The following USP10 variants were observed in gnomAD, a reference collection of about 807,000 sequenced individuals.
The protein encoded by USP10 is ubiquitin carboxyl-terminal hydrolase 10.
In USP10, 22 loss-of-function variants were observed where a neutral mutation model predicts 84.5. The ratio of observed to expected loss-of-function variants is 0.26; its 90% confidence interval spans 0.19 to 0.37. The LOEUF (loss-of-function observed/expected upper bound fraction) is 0.37, where lower values mean the gene tolerates loss of function less well. USP10 is among the 10% of genes least tolerant of loss of function. The pLI, the probability that USP10 is intolerant of heterozygous loss-of-function variation, is 1.00. For synonymous variants in USP10, 454 were observed against 387.6 expected, an observed-to-expected ratio of 1.17 and a Z score of -2.01; for missense variants, 1,019 against 998.9, an observed-to-expected ratio of 1.02 and a Z score of -0.27.
intron 1 of USP10, chr16:84,704,888 T>C: frequency 6.5e-7 from 1 of 1,535,692 alleles, no homozygotes. Flanking sequence ...AAATGTGGTT[T>C]GGGGCTGTTA....
rs777076547 is a variant in USP10, at chr16:84,759,313, TGTG to T, written c.1285-46_1285-44del. On this transcript the variant is annotated intron_variant, in intron 5 of 13. Coordinates refer to ENST00000219473, the MANE Select transcript of USP10 (RefSeq NM_005153.3). The stretch of plus-strand genomic sequence containing the variant: ...TTGTGCTTCATGTGCCTTCAGGAAA[TGTG>T]GTGTGTCTGTTCATTTCCTTTACGC... The T allele has an allele frequency of 5.1e-5, 79 of 1,540,086 alleles. 1 individual carries two copies. The South Asian group carries it at 8.4e-4, about 16-fold the overall frequency.
intron 13 of USP10, among the ~76,000 whole-genome samples, chr16:84,778,304 G>A (rs1228977954): frequency 6.6e-6 from 1 of 152,064 alleles, no homozygotes; most frequent in African/African-American, 2.4e-5. Context: ...TAGGATAGAT[G>A]GGCCACAGAA....
chr16:84,755,053 G>C (rs148241230), intron 4 of USP10, among the ~76,000 whole-genome samples: 88 of 151,874 alleles, frequency 5.8e-4, no homozygotes, highest in African/African-American at 2.1e-3. Context: ...TGATGGCTGT[G>C]CAATGCTTTC....
rs1371938991 is a variant in USP10, at chr16:84,745,580, C to T, written c.1099C>T (p.Pro367Ser). The change falls in exon 4 of 14, where the codon CCC becomes TCC. Residue 367 changes from proline to serine, a missense_variant. Physicochemically the swap from Pro to Ser is moderately conservative, Grantham distance 74 (BLOSUM62 -1). Coordinates refer to ENST00000219473, the MANE Select transcript of USP10 (RefSeq NM_005153.3). ...CTATGTGGAAACTAAGTATTCCCCT[C>T]CCGCCATATCTCCCCTGGTTTCTGA... ...VAYVETKYSPPAISPLVSEKQ... is the reference protein window; with the variant it reads ...VAYVETKYSPSAISPLVSEKQ... 5.0e-6 allele frequency: 8 copies of T among 1,611,314 alleles called. No individual in the cohort carries two copies. Among genetic ancestry groups the T allele is most frequent in the Admixed American group, 1.7e-5 (1 of 59,598 alleles).
In USP10 at chr16:84,700,107, C is replaced by G; in HGVS notation, c.17C>G (p.Pro6Arg). The G allele has an allele frequency of 7.4e-7, 1 of 1,352,568 alleles. No individual in the cohort carries two copies. The highest frequency in any genetic ancestry group is 9.7e-7 in the Non-Finnish European group (1 of 1,031,194). 83.8% of individuals were successfully genotyped at this position (1,352,568 alleles called of 1,614,324 possible). A position where few individuals can be genotyped will look rare whatever the true frequency, so the allele number is the denominator to read the frequency against. The change falls in exon 1 of 14, where the codon CCG (proline) becomes CGG (arginine). Residue 6 changes from proline to arginine, a missense_variant. By Grantham distance (103) the Pro-to-Arg change is moderately radical (BLOSUM62 -2). Around this residue, in one of 2 missense-constraint regions of USP10, gnomAD observed 787 missense variants for 708.8 expected, o/e 1.11. Coordinates refer to ENST00000219473, the MANE Select transcript of USP10 (RefSeq NM_005153.3). ...CGGGCAGCCATGGCCCTCCACAGCC[C>G]GCAGGTAGCCGCCGGTCTGCGCCTT... is the stretch of plus-strand genomic sequence containing the variant. Reference protein sequence around the residue: MALHSPQYIFGDFSPD... With the variant: MALHSRQYIFGDFSPD...
At chr16:84,753,076 C>G (rs1912120356) in intron 4 of USP10, among the ~76,000 whole-genome samples, 1 of 152,072 alleles carries the variant, frequency 6.6e-6, no homozygotes, top group African/African-American at 2.4e-5. Flanking sequence ...AGGTGGTCTT[C>G]CTGCCCCAGC....
intron 4 of USP10, among the ~76,000 whole-genome samples, chr16:84,758,042 G>C (rs1912788440): frequency 6.6e-6 from 1 of 152,224 alleles, no homozygotes; most frequent in Non-Finnish European, 1.5e-5. Flanking sequence ...GGCATTCACA[G>C]CTGTTTTAAT....
At chr16:84,753,533 G>A (rs957781189) in intron 4 of USP10, among the ~76,000 whole-genome samples, 2 of 152,150 alleles carry the variant, frequency 1.3e-5, no homozygotes, top group Admixed American at 6.5e-5. Context: ...GCTGAGCGTG[G>A]TGCAGCTCCT....
At chr16:84,721,923 C>T (rs1907867717) in intron 1 of USP10, among the ~76,000 whole-genome samples, 2 of 152,320 alleles carry the variant, frequency 1.3e-5, no homozygotes, top group East Asian at 1.9e-4. Flanking sequence ...ATCTTGAACT[C>T]CTCTCAAGTG....
chr16:84,750,055 G>A (rs1010684497), intron 4 of USP10, among the ~76,000 whole-genome samples: 2 of 152,120 alleles, frequency 1.3e-5, no homozygotes, highest in Non-Finnish European at 2.9e-5. Context: ...AGGGATCTGT[G>A]TTTCAGTGAC....
At chr16:84,717,775 C>G (rs1907239833) in intron 1 of USP10, among the ~76,000 whole-genome samples, 1 of 152,138 alleles carries the variant, frequency 6.6e-6, no homozygotes, top group Non-Finnish European at 1.5e-5. Context: ...CTTCTACTGC[C>G]TTTGATTCAT....
At chr16:84,751,614 G>A (rs954791718) in intron 4 of USP10, among the ~76,000 whole-genome samples, 2 of 152,154 alleles carry the variant, frequency 1.3e-5, no homozygotes, top group African/African-American at 4.8e-5. Context: ...ATGGGTAGTG[G>A]TACATTTTGG....
At position 84,745,346 on chromosome 16, in the gene USP10, A is replaced by C; in HGVS notation, c.865A>C (p.Ile289Leu). ...TENLGVANGQ[I>L]LESSGEGTAT... is the part of the protein sequence containing the mutation. ...AAACCTTGGAGTTGCTAATGGACAAATACTTGAATCCTCGGGTGAGGGCAC... is the reference window on the plus strand; with the variant it reads ...AAACCTTGGAGTTGCTAATGGACAACTACTTGAATCCTCGGGTGAGGGCAC... Residue 289 changes from isoleucine (I) to leucine (L), a missense_variant, in exon 4 of 14, where the codon ATA (isoleucine) becomes CTA (leucine). Transcript: ENST00000219473. The C allele has an allele frequency of 6.2e-7, 1 of 1,613,104 alleles. No individual in the cohort carries two copies. Among genetic ancestry groups the C allele is most frequent in the South Asian group, 1.1e-5 (1 of 91,030 alleles).
At chr16:84,727,398 A>G (rs1011855683) in intron 1 of USP10, among the ~76,000 whole-genome samples, 6 of 152,186 alleles carry the variant, frequency 3.9e-5, no homozygotes, top group Non-Finnish European at 8.8e-5. Context: ...TAAACAGTCA[A>G]ACATAAGGAG....
chr16:84,729,279 G>A lies in USP10; in HGVS notation c.22-4156G>A, dbSNP rs1908904759. 2.0e-5 allele frequency among the ~76,000 whole-genome samples: 3 copies of A among 152,152 alleles called. No homozygotes were observed. In the South Asian group the frequency reaches 6.2e-4, roughly 32 times the overall value. ...AATGGTTACCATGCCAGCTTACTTT[G>A]CCAAGAAAGAAATATTTATCGTTTT... On this transcript the variant is annotated intron_variant, in intron 1 of 13. Coordinates refer to ENST00000219473, the MANE Select transcript of USP10 (RefSeq NM_005153.3).
At chr16:84,757,624 T>G (rs1329626233) in intron 4 of USP10, among the ~76,000 whole-genome samples, 1 of 152,200 alleles carries the variant, frequency 6.6e-6, no homozygotes, top group African/African-American at 2.4e-5. Flanking sequence ...GTTTATTTAT[T>G]ATACTTTATT....
intron 4 of USP10, 82 bp from the exon 5 acceptor site, chr16:84,758,634 C>A (rs1317969278): frequency 6.0e-6 from 6 of 997,098 alleles, no homozygotes; most frequent in Non-Finnish European, 9.6e-6. Context: ...AAATGCTGTC[C>A]CAGAGTAGAG....
intron 2 of USP10, 54 bp from the exon 3 acceptor site, chr16:84,740,255 C>T (rs925814883): frequency 1.3e-5 from 20 of 1,496,672 alleles, no homozygotes; most frequent in African/African-American, 9.7e-5. Flanking sequence ...AAATGGTAAG[C>T]GTTGGTTTTA....
At chr16:84,778,107 G>GTGTGTGTGTGTGTGTGTGTA (rs1346302937) in intron 13 of USP10, among the ~76,000 whole-genome samples, 2 of 151,890 alleles carry the variant, frequency 1.3e-5, no homozygotes, top group Non-Finnish European at 2.9e-5. Flanking sequence ...GTGTGTGTGT[G>GTGTGTGTGTGTGTGTGTGTA]TGTGTGTGTG....
Sources: allele counts gnomAD v4.1 joint callset (sites outside exome capture counted in the v4.1 genomes callset), GRCh38; gene constraint gnomAD v4.1.1; regional missense constraint gnomAD v4.1.1; transcripts MANE v1.5; gene names NCBI Gene and HGNC (gene_info 2026-07-23, HGNC 2026-07-21).